The following GRAMD1A variants were observed in gnomAD, a reference collection of about 807,000 sequenced individuals.
GRAMD1A encodes the protein protein Aster-A.
A neutral mutation model predicts 92.0 loss-of-function variants in GRAMD1A; 50 were observed. That is an observed-to-expected ratio of 0.54 (90% CI 0.43 to 0.69). The LOEUF is 0.69. Among genes scored for constraint, GRAMD1A ranks in the 30% least tolerant of loss-of-function variants. The pLI, the probability that GRAMD1A is intolerant of heterozygous loss-of-function variation, is 0.00. For missense variants in GRAMD1A, 819 were observed against 978.9 expected (o/e 0.84, Z 2.18); for synonymous variants, 405 against 403.6 (o/e 1.00, Z -0.04).
rs2151696016 is a variant in GRAMD1A, at chr19:35,000,428, G to GCCCTT, written c.-47_-46insTCCCT. On this transcript the variant is annotated 5_prime_UTR_variant, in exon 1 of 20. Coordinates refer to ENST00000317991, the MANE Select transcript of GRAMD1A (RefSeq NM_020895.5). The surrounding 1 kb of genome is among the most constrained non-coding windows in gnomAD (Gnocchi z 4.9). ...GCCCAGCCCCGCGCAGCCCAGCCCT[G>GCCCTT]CCCTGCCCTGCCCTGCCCTGCGCCC... 1 of 1,225,170 alleles carries GCCCTT rather than the reference G, an allele frequency of 8.2e-7. No homozygotes were observed. 75.9% of individuals were successfully genotyped at this position (1,225,170 alleles called of 1,614,324 possible). A position where few individuals can be genotyped will look rare whatever the true frequency, so the allele number is the denominator to read the frequency against.
At chr19:35,025,132 G>A (rs928737187) in intron 19 of GRAMD1A, 1 of 151,972 alleles carries the variant, frequency 6.6e-6, no homozygotes, top group African/African-American at 2.4e-5. Context: ...AAACTGCTAA[G>A]GGTGCAGAGT....
Position 35,000,593 on chromosome 19 carries a change from T to A in GRAMD1A, c.8+107T>A. ...GGGGGCGGAGCGGCCGCTGCAGAGGTCGGGGGCCTCTGCACATGGCTCTGG... is the reference window on the plus strand; with the variant it reads ...GGGGGCGGAGCGGCCGCTGCAGAGGACGGGGGCCTCTGCACATGGCTCTGG... On this transcript the variant is annotated intron_variant, in intron 1 of 19. Coordinates refer to ENST00000317991, the MANE Select transcript of GRAMD1A (RefSeq NM_020895.5). The surrounding 1 kb of genome is among the most constrained non-coding windows in gnomAD (Gnocchi z 4.9). 1 of 431,554 alleles carries A rather than the reference T, an allele frequency of 2.3e-6. No homozygotes were observed. Among genetic ancestry groups the A allele is most frequent in the Non-Finnish European group, 3.0e-6 (1 of 332,366 alleles). 26.7% of individuals were successfully genotyped at this position (431,554 alleles called of 1,614,324 possible).
intron 3 of GRAMD1A, 32 bp from the exon 4 acceptor site, chr19:35,009,856 C>T (rs1600292794): frequency 1.6e-6 from 2 of 1,290,134 alleles, no homozygotes; most frequent in Non-Finnish European, 2.3e-6. Context: ...TGTGAACCCC[C>T]ATCCAGGTTC....
intron 16 of GRAMD1A, among the ~76,000 whole-genome samples, chr19:35,022,603 G>A (rs530590663): frequency 1.2e-4 from 19 of 152,280 alleles, no homozygotes; most frequent in Admixed American, 3.9e-4. Flanking sequence ...AGTGGAGACC[G>A]CGTAGGCTAA....
At chr19:35,003,102 T>A (rs894284005) in intron 1 of GRAMD1A, among the ~76,000 whole-genome samples, 3 of 135,386 alleles carry the variant, frequency 2.2e-5, no homozygotes, top group Admixed American at 7.3e-5. Context: ...GTAATTACTC[T>A]GTGGCTCTCT....
chr19:35,001,078 T>C (rs2014333465), intron 1 of GRAMD1A: 1 of 152,348 alleles, frequency 6.6e-6, no homozygotes, highest in Admixed American at 6.6e-5. Flanking sequence ...AATTGACTTC[T>C]TACTCCCCTT....
Position 35,000,491 on chromosome 19 carries a change from G to A in GRAMD1A, c.8+5G>A. 1 of 1,279,496 alleles carries A rather than the reference G, an allele frequency of 7.8e-7. No homozygotes were observed. The highest frequency in any genetic ancestry group is 2.5e-5 in the South Asian group (1 of 40,632). The allele number at this position is 1,279,496 out of a possible 1,614,324, so 79.3% of individuals were successfully genotyped here. A position where few individuals can be genotyped will look rare whatever the true frequency, so the allele number is the denominator to read the frequency against. On this transcript the variant is annotated splice_donor_5th_base_variant and intron_variant, in intron 1 of 19. Coordinates refer to ENST00000317991, the MANE Select transcript of GRAMD1A (RefSeq NM_020895.5). This position sits in a 1 kb window ranked among gnomAD's most constrained non-coding sequence, Gnocchi z 4.9. ...CCGCGCCGCATCCATGTTCGAGTAA[G>A]GACCGGGCGACTAGAGCTCAGGGAC...
At chr19:35,008,198 G>A (rs1600287534) in intron 1 of GRAMD1A, among the ~76,000 whole-genome samples, 1 of 152,018 alleles carries the variant, frequency 6.6e-6, no homozygotes, top group East Asian at 1.9e-4. Context: ...GCATGGTAGT[G>A]TGATCCTGTA....
intron 1 of GRAMD1A, among the ~76,000 whole-genome samples, chr19:35,001,760 A>AATC (rs2014391261): frequency 2.6e-5 from 4 of 152,112 alleles, no homozygotes; most frequent in Non-Finnish European, 5.9e-5. Flanking sequence ...GGCGTGTGCC[A>AATC]CCACGCCTGG....
At chr19:35,009,578 T>G in intron 3 of GRAMD1A, 135 bp downstream of exon 3, 1 of 904,110 alleles carries the variant, frequency 1.1e-6, no homozygotes, top group South Asian at 1.4e-5. Context: ...TCTATGCTAT[T>G]ATTTATGTGC....
upstream of GRAMD1A, chr19:34,996,300 T>C (rs1202686120): frequency 2.0e-6 from 3 of 1,501,650 alleles, no homozygotes; most frequent in African/African-American, 4.2e-5. Flanking sequence ...AGGTCAGACC[T>C]GGGCAGTGGG....
intron 9 of GRAMD1A, 46 bp from the exon 10 acceptor site, chr19:35,014,143 G>A (rs754763470): frequency 1.6e-5 from 25 of 1,551,368 alleles, no homozygotes; most frequent in Non-Finnish European, 2.1e-5. Context: ...GGAGCCCTGG[G>A]GCTGGGATGG....
chr19:35,016,738 T>C (rs1262116359), intron 11 of GRAMD1A, among the ~76,000 whole-genome samples: 7 of 151,598 alleles, frequency 4.6e-5, no homozygotes, highest in Non-Finnish European at 1.0e-4. Flanking sequence ...CCATCTCCAC[T>C]AAAAATACAA....
intron 1 of GRAMD1A, among the ~76,000 whole-genome samples, chr19:35,008,610 A>G (rs992139230): frequency 2.0e-5 from 3 of 152,142 alleles, no homozygotes; most frequent in African/African-American, 7.2e-5. Flanking sequence ...CATGAGGTCA[A>G]GAGTTTGAGA....
chr19:35,018,635 C>G (rs1486458448), intron 11 of GRAMD1A, among the ~76,000 whole-genome samples: 1 of 152,134 alleles, frequency 6.6e-6, no homozygotes, highest in Non-Finnish European at 1.5e-5. Context: ...GCCCCTGGAC[C>G]AGATGGGGAG....
At chr19:35,023,403 T>A in intron 18 of GRAMD1A, 24 bp from the exon 19 acceptor site, 3 of 1,607,614 alleles carry the variant, frequency 1.9e-6, no homozygotes, top group Non-Finnish European at 2.6e-6. Flanking sequence ...GCCAAGGCCC[T>A]GCTCAGGCCT....
intron 1 of GRAMD1A, among the ~76,000 whole-genome samples, chr19:35,007,721 A>G (rs558358919): frequency 1.3e-5 from 2 of 152,050 alleles, no homozygotes; most frequent in African/African-American, 2.4e-5. Flanking sequence ...TTTTAAAAAT[A>G]AAAAAGCTGA....
rs370775926 is a variant in GRAMD1A, at chr19:35,015,978, G to C, written c.1213+11G>C. 25 of 1,610,330 alleles carry C rather than the reference G, an allele frequency of 1.6e-5. No homozygotes were observed. Among genetic ancestry groups the C allele is most frequent in the Middle Eastern group, 3.3e-4 (2 of 6,056 alleles). ...AGTGCAAGTTCACAGGTCAGCGGGC[G>C]CATGAAGGAGAGGCTGAGGTTACCC... On this transcript the variant is annotated intron_variant, in intron 11 of 19. Coordinates refer to ENST00000317991, the MANE Select transcript of GRAMD1A (RefSeq NM_020895.5).
At chr19:34,996,331 G>C (rs1355367318), upstream of GRAMD1A, 2 of 1,434,806 alleles carry the variant, frequency 1.4e-6, no homozygotes, top group African/African-American at 2.8e-5. Context: ...GGGTCTCTCT[G>C]TCTAGGGAGG....
Sources: allele counts gnomAD v4.1 joint callset (sites outside exome capture counted in the v4.1 genomes callset), GRCh38; gene constraint gnomAD v4.1.1; non-coding constraint Gnocchi (gnomAD v3.1); transcripts MANE v1.5; gene names NCBI Gene and HGNC (gene_info 2026-07-23, HGNC 2026-07-21).